BRAP: variants seen among roughly 807,000 people sequenced by gnomAD.
The protein encoded by BRAP is BRCA1 associated protein.
Under a neutral mutation model 73.4 loss-of-function variants are expected in BRAP, and 42 were observed. The observed-to-expected ratio is 0.57, with a 90% CI of 0.45 to 0.74. The LOEUF is 0.74. Ranked by LOEUF, BRAP falls within the 30% of genes least tolerant of loss-of-function variation. The pLI is 0.00. For synonymous variants in BRAP, 255 were observed against 267.4 expected, an observed-to-expected ratio of 0.95 and a Z score of 0.45; for missense variants, 593 against 751.4, an observed-to-expected ratio of 0.79 and a Z score of 2.46.
intron 9 of BRAP, among the ~76,000 whole-genome samples, chr12:111,658,302 CA>C (rs1266524234): frequency 6.6e-6 from 1 of 151,534 alleles, no homozygotes; most frequent in Non-Finnish European, 1.5e-5. Flanking sequence ...AATGACCAAA[CA>C]TTTTTTTTTT....
At chr12:111,658,450 C>T (rs1258473250) in intron 9 of BRAP, among the ~76,000 whole-genome samples, 3 of 152,016 alleles carry the variant, frequency 2.0e-5, no homozygotes, top group African/African-American at 4.8e-5. Context: ...CTCAGCCTCC[C>T]GAGGAGCTGG....
At chr12:111,671,414 G>A (rs1887165139) in intron 5 of BRAP, among the ~76,000 whole-genome samples, 1 of 152,040 alleles carries the variant, frequency 6.6e-6, no homozygotes, top group Non-Finnish European at 1.5e-5. Flanking sequence ...GCCTGGCATA[G>A]TGGCGTATGC....
intron 6 of BRAP, among the ~76,000 whole-genome samples, chr12:111,663,201 C>T (rs1886817992): frequency 6.6e-6 from 1 of 152,140 alleles, no homozygotes; most frequent in African/African-American, 2.4e-5. Context: ...CGCCCATAAT[C>T]CCAGCACTCT....
intron 11 of BRAP, among the ~76,000 whole-genome samples, chr12:111,648,913 G>A (rs753248888): frequency 2.0e-5 from 3 of 151,848 alleles, no homozygotes; most frequent in East Asian, 3.9e-4. Flanking sequence ...GCAACAGAGC[G>A]AGACTCCGTT....
chr12:111,672,590 A>C, intron 5 of BRAP, 71 bp downstream of exon 5: 1 of 1,376,766 alleles, frequency 7.3e-7, no homozygotes, highest in Non-Finnish European at 1.0e-6. Context: ...GGTATTTCAC[A>C]GATACCTTAG....
intron 5 of BRAP, among the ~76,000 whole-genome samples, chr12:111,669,105 G>A (rs367579928): frequency 1.2e-4 from 19 of 152,242 alleles, no homozygotes; most frequent in African/African-American, 3.4e-4. Context: ...GTTAAGTAAC[G>A]TTTTCCTCCC....
chr12:111,668,394 A>T (rs1313367486), intron 5 of BRAP, among the ~76,000 whole-genome samples: 1 of 152,052 alleles, frequency 6.6e-6, no homozygotes, highest in Non-Finnish European at 1.5e-5. Context: ...TCAAATGCTT[A>T]ATATGTACAT....
chr12:111,659,578 C>T (rs1422863939), intron 7 of BRAP, among the ~76,000 whole-genome samples: 3 of 152,056 alleles, frequency 2.0e-5, no homozygotes, highest in Non-Finnish European at 4.4e-5. Context: ...CGCTTGAACC[C>T]AGGAGGTGGA....
chr12:111,657,551 T>G (rs866874687), intron 9 of BRAP, among the ~76,000 whole-genome samples: 4 of 152,234 alleles, frequency 2.6e-5, no homozygotes, highest in Admixed American at 6.5e-5. Context: ...GGTTAAGGTA[T>G]GTTTCTAAAA....
At chr12:111,658,587 G>A (rs895680084) in intron 9 of BRAP, 149 bp downstream of exon 9, 5 of 558,556 alleles carry the variant, frequency 9.0e-6, no homozygotes, top group African/African-American at 5.8e-5. Flanking sequence ...GCCTCCCAAA[G>A]TGTTGGGATT....
intron 5 of BRAP, among the ~76,000 whole-genome samples, chr12:111,671,287 T>C (rs1466533566): frequency 6.6e-6 from 1 of 152,128 alleles, no homozygotes; most frequent in African/African-American, 2.4e-5. Context: ...CAGTGGCTCA[T>C]GCTTATAATC....
At chr12:111,677,084 C>T (rs1887411666) in intron 4 of BRAP, among the ~76,000 whole-genome samples, 1 of 152,184 alleles carries the variant, frequency 6.6e-6, no homozygotes, top group Non-Finnish European at 1.5e-5. Context: ...AAGGATAGTG[C>T]AGATGTACAA....
chr12:111,682,485 G>C (rs1370313598), intron 2 of BRAP, among the ~76,000 whole-genome samples: 1 of 116,372 alleles, frequency 8.6e-6, no homozygotes, highest in Non-Finnish European at 1.6e-5. Context: ...TGGGGACAAA[G>C]TGAGACTGTC....
Position 111,672,753 on chromosome 12 carries a change from T to C in BRAP, c.655A>G (p.Met219Val), listed in dbSNP as rs762261730. The C allele has an allele frequency of 5.6e-6, 9 of 1,613,938 alleles. No homozygotes were observed. The highest frequency in any genetic ancestry group is 5.3e-5 in the African/African-American group (4 of 74,924). The change falls in exon 5 of 12, where the codon ATG becomes GTG. Residue 219 changes from methionine to valine, a missense_variant. Physicochemically the swap from Met to Val is conservative, Grantham distance 21. Around this residue, in one of 4 missense-constraint regions of BRAP, gnomAD observed 304 missense variants for 337.7 expected, o/e 0.90. Transcript: ENST00000419234. The stretch of plus-strand genomic sequence containing the variant: ...TTGAACTGGCGGCCATTGCATGTCA[T>C]ATAAAAACTATCCGCATCAGCCTAT... The part of the protein sequence containing the change: ...RAQADADSFY[M>V]TCNGRQFNSI...
chr12:111,676,257 A>T (rs1887376216), intron 4 of BRAP, among the ~76,000 whole-genome samples: 1 of 152,188 alleles, frequency 6.6e-6, no homozygotes, highest in Non-Finnish European at 1.5e-5. Flanking sequence ...ATAAGTCCTT[A>T]TTTAAAAATC....
Position 111,679,205 on chromosome 12 carries a change from A to G in BRAP, c.579T>C (p.Ile193=), listed in dbSNP as rs61308437. ...PFNEVIEQMK[I]IRDSTPNQYM... Reference sequence around the variant, plus strand: ...ATTGGTTGGGAGTAGAGTCTCTGATAATTTTCATTTGTTCAATTACTTCGT... The same window carrying G: ...ATTGGTTGGGAGTAGAGTCTCTGATGATTTTCATTTGTTCAATTACTTCGT... Residue 193 remains isoleucine, a synonymous_variant, in exon 4 of 12, where the codon ATT becomes ATC. Transcript: ENST00000419234. The G allele has an allele frequency of 2.9e-3, 4,694 of 1,608,824 alleles. 121 individuals carry two copies. The African/African-American group carries it at 0.054, about 18-fold the overall frequency.
intron 3 of BRAP, among the ~76,000 whole-genome samples, chr12:111,680,067 C>T (rs541553534): frequency 3.4e-4 from 52 of 151,388 alleles, no homozygotes; most frequent in African/African-American, 1.2e-3. Context: ...AAGCAATTCT[C>T]CTGCTCAGCC....
rs1885955335 is a variant in BRAP, at chr12:111,642,938, T to C, written c.*1261A>G. ...GGCCTAATTACAGGCTAAAAACCTA[T>C]TCTGAAATGTGATCATTTGAAAACC... is the stretch of plus-strand genomic sequence containing the variant. On this transcript the variant is annotated 3_prime_UTR_variant, in exon 12 of 12. Coordinates refer to ENST00000419234, the MANE Select transcript of BRAP (RefSeq NM_006768.5). 3 of 152,200 alleles carry C rather than the reference T, an allele frequency of 2.0e-5. No homozygotes were observed. Among genetic ancestry groups the C allele is most frequent in the Admixed American group, 6.5e-5 (1 of 15,270 alleles). 9.4% of individuals were successfully genotyped at this position (152,200 alleles called of 1,614,324 possible). A position where few individuals can be genotyped will look rare whatever the true frequency, so the allele number is the denominator to read the frequency against.
At chr12:111,666,481 C>T (rs1375514079) in intron 5 of BRAP, among the ~76,000 whole-genome samples, 1 of 152,194 alleles carries the variant, frequency 6.6e-6, no homozygotes, top group African/African-American at 2.4e-5. Context: ...CTGCTATGTG[C>T]AGCAGACAGA....
Sources: gnomAD v4.1 joint callset for allele counts (sites outside exome capture counted in the v4.1 genomes callset) on GRCh38, gnomAD v4.1.1 for gene constraint, gnomAD v4.1.1 regional missense constraint, MANE v1.5 for transcripts, NCBI Gene and HGNC (gene_info 2026-07-23, HGNC 2026-07-21) for gene names.